DMD: variants seen among roughly 807,000 people sequenced by gnomAD.
DMD encodes dystrophin.
DMD carries 63 observed loss-of-function variants against 330.1 expected under a neutral mutation model. The observed-to-expected ratio is 0.19, with a 90% CI of 0.16 to 0.24. The LOEUF (loss-of-function observed/expected upper bound fraction) is 0.24, where lower values mean the gene tolerates loss of function less well. DMD is among the 10% of genes least tolerant of loss of function. The pLI, the probability that DMD is intolerant of heterozygous loss-of-function variation, is 1.00. For missense variants in DMD, 3,344 were observed against 2,684.1 expected, an observed-to-expected ratio of 1.25 and a Z score of -5.43; for synonymous variants, 1,223 against 959.8, an observed-to-expected ratio of 1.27 and a Z score of -5.07.
At chrX:31,840,816 T>G (rs2093304568) in intron 48 of DMD, among the ~76,000 whole-genome samples, 1 of 110,771 alleles carries the variant, frequency 9.0e-6, no homozygotes, top group East Asian at 2.8e-4. Context: ...CATTAATGTA[T>G]GTATTCTGAA....
intron 45 of DMD, among the ~76,000 whole-genome samples, chrX:31,938,713 A>G (rs772698384): frequency 8.9e-6 from 1 of 111,863 alleles, no homozygotes; most frequent in Non-Finnish European, 1.9e-5. Context: ...GCACACATTT[A>G]CATAACAGAA....
intron 42 of DMD, among the ~76,000 whole-genome samples, chrX:32,296,868 T>C (rs1368372868): frequency 8.9e-6 from 1 of 112,341 alleles, no homozygotes; most frequent in African/African-American, 3.2e-5. Flanking sequence ...TTGAAATATA[T>C]TGAACTTTAT....
intron 30 of DMD, among the ~76,000 whole-genome samples, chrX:32,400,441 C>T (rs1022118643): frequency 1.8e-5 from 2 of 110,843 alleles, no homozygotes; most frequent in African/African-American, 3.3e-5. Flanking sequence ...TGTCTCTGCC[C>T]GGCTTTGGTA....
At chrX:32,337,656 C>T (rs1168413482) in intron 41 of DMD, among the ~76,000 whole-genome samples, 3 of 109,706 alleles carry the variant, frequency 2.7e-5, no homozygotes, top group African/African-American at 9.9e-5. Flanking sequence ...ATATTTGTTG[C>T]CATTATCTCG....
chrX:31,820,232 G>T, intron 49 of DMD, 149 bp from the exon 50 acceptor site: 1 of 518,507 alleles, frequency 1.9e-6, no homozygotes, highest in Non-Finnish European at 3.2e-6. Flanking sequence ...TCTTTTAAAG[G>T]AATTATAATT....
intron 1 of DMD, among the ~76,000 whole-genome samples, chrX:33,080,644 T>C (rs59319631): frequency 0.033 from 3,703 of 111,282 alleles, 152 homozygotes; most frequent in African/African-American, 0.12. Context: ...CTTTTCAGCA[T>C]AGCTAGGGGC....
At chrX:32,040,370 C>G (rs774522422) in intron 44 of DMD, among the ~76,000 whole-genome samples, 12 of 112,066 alleles carry the variant, frequency 1.1e-4, no homozygotes, top group Non-Finnish European at 1.9e-4. Flanking sequence ...CCCTGAGATC[C>G]TTTTCTATTT....
chrX:32,933,266 T>G lies in DMD; in HGVS notation c.94-83446A>C, dbSNP rs1320440028. ...TAAGAAAAACTTTAATGAATTTATA[T>G]TTTGGCTCAGAGCTCACCTACTAAG... On this transcript the variant is annotated intron_variant, in intron 2 of 78. Coordinates refer to ENST00000357033, the MANE Select transcript of DMD (RefSeq NM_004006.3). Among the ~76,000 whole-genome samples the G allele has an allele frequency of 7.2e-5, 8 of 111,857 alleles. No individual in the cohort carries two copies. In the Admixed American group the frequency reaches 7.6e-4, roughly 11 times the overall value.
At chrX:31,593,431 C>A (rs6631351) in intron 55 of DMD, among the ~76,000 whole-genome samples, 2 of 111,369 alleles carry the variant, frequency 1.8e-5, no homozygotes, top group Non-Finnish European at 3.8e-5. Context: ...AAATAAAACT[C>A]TCAGGAAATC....
At chrX:33,188,725 A>G (rs1014643207) in intron 1 of DMD, among the ~76,000 whole-genome samples, 2 of 112,160 alleles carry the variant, frequency 1.8e-5, no homozygotes, top group African/African-American at 6.5e-5. Context: ...CGTCTGTTGA[A>G]GTCCTAACCC....
At chrX:32,079,521 G>A (rs769063406) in intron 44 of DMD, among the ~76,000 whole-genome samples, 37 of 110,983 alleles carry the variant, frequency 3.3e-4, no homozygotes, top group Non-Finnish European at 5.8e-4. Context: ...CTTGAACATG[G>A]GAGGCAGAGG....
At chrX:32,786,030 G>T (rs2075324180) in intron 7 of DMD, among the ~76,000 whole-genome samples, 1 of 109,829 alleles carries the variant, frequency 9.1e-6, no homozygotes, top group East Asian at 2.9e-4. Context: ...TAACTACAGT[G>T]AGGTGAATTT....
At chrX:31,379,964 T>C (rs1253613204) in intron 60 of DMD, among the ~76,000 whole-genome samples, 1 of 111,737 alleles carries the variant, frequency 8.9e-6, no homozygotes, top group Non-Finnish European at 1.9e-5. Flanking sequence ...CTCGGTTTAG[T>C]GGCTGAAGAC....
chrX:32,054,088 TGAGAGAGAGAGAGAGAGAGAGAGAGAGA>T (rs751524877), intron 44 of DMD, among the ~76,000 whole-genome samples: 2 of 69,560 alleles, frequency 2.9e-5, no homozygotes, highest in African/African-American at 1.2e-4. Context: ...TGTGTGTGTG[TGAGAGAGAGAGAGAGAGAGAGAGAGAGA>T]GAGAGAGAGA....
intron 2 of DMD, among the ~76,000 whole-genome samples, chrX:32,989,165 G>A (rs1289872471): frequency 8.9e-6 from 1 of 111,786 alleles, no homozygotes; most frequent in Non-Finnish European, 1.9e-5. Context: ...TAGCTCATGA[G>A]TAATGTGGTC....
At chrX:33,081,817 C>A (rs767808738) in intron 1 of DMD, among the ~76,000 whole-genome samples, 3 of 111,891 alleles carry the variant, frequency 2.7e-5, no homozygotes, top group Non-Finnish European at 3.8e-5. Flanking sequence ...TTATTACACA[C>A]TAAAGCTCCC....
At chrX:32,795,142 G>C (rs770243091) in intron 7 of DMD, among the ~76,000 whole-genome samples, 7 of 111,617 alleles carry the variant, frequency 6.3e-5, no homozygotes, top group Non-Finnish European at 1.1e-4. Flanking sequence ...AATAAAAAGT[G>C]ATCATAAAAT....
intron 50 of DMD, among the ~76,000 whole-genome samples, chrX:31,779,660 C>A (rs1208538920): frequency 9.6e-6 from 1 of 104,659 alleles, no homozygotes; most frequent in Admixed American, 1.1e-4. Flanking sequence ...AACTGTATAT[C>A]TAGGTAGACA....
intron 17 of DMD, among the ~76,000 whole-genome samples, chrX:32,519,728 C>A (rs1169918253): frequency 8.9e-6 from 1 of 111,946 alleles, no homozygotes; most frequent in Non-Finnish European, 1.9e-5. Flanking sequence ...CTATCACAAA[C>A]ATATGACCTG....
Sources: gnomAD v4.1 joint callset for allele counts (sites outside exome capture counted in the v4.1 genomes callset) on GRCh38, gnomAD v4.1.1 for gene constraint, MANE v1.5 for transcripts, NCBI Gene and HGNC (gene_info 2026-07-23, HGNC 2026-07-21) for gene names.